MYCBP2: variants seen among roughly 807,000 people sequenced by gnomAD.
MYCBP2 encodes MYC binding protein 2, also known as E3 ubiquitin-protein ligase MYCBP2.
MYCBP2 carries 120 observed loss-of-function variants against 525.3 expected under a neutral mutation model. That is an observed-to-expected ratio of 0.23 (90% CI 0.20 to 0.27). The LOEUF (loss-of-function observed/expected upper bound fraction) is 0.27, where lower values mean the gene tolerates loss of function less well. MYCBP2 is among the 10% of genes least tolerant of loss of function. MYCBP2 has a pLI of 1.00. For missense variants in MYCBP2, 4,149 were observed against 5,657.1 expected (o/e 0.73, Z 8.55); for synonymous variants, 1,894 against 1,955.8 (o/e 0.97, Z 0.83).
intron 55 of MYCBP2, among the ~76,000 whole-genome samples, chr13:77,102,729 T>C (rs2047261003): frequency 6.6e-6 from 1 of 151,730 alleles, no homozygotes; most frequent in African/African-American, 2.4e-5. Context: ...ACATGAGTCC[T>C]AATAACTAAT....
chr13:77,133,099 A>G (rs1344342523), intron 52 of MYCBP2, among the ~76,000 whole-genome samples: 1 of 152,148 alleles, frequency 6.6e-6, no homozygotes, highest in African/African-American at 2.4e-5. Flanking sequence ...TCATCCTTTT[A>G]TAACTATATT....
At position 77,271,156 on chromosome 13, in the gene MYCBP2, T is replaced by C. The variant is rs539043365; in HGVS notation, c.946-618A>G. Among the ~76,000 whole-genome samples the C allele has an allele frequency of 5.3e-5, 8 of 152,336 alleles. No homozygotes were observed. The South Asian group carries it at 1.5e-3, about 28-fold the overall frequency. On this transcript the variant is annotated intron_variant, in intron 5 of 82. Transcript: ENST00000544440. ...TATATTCATACACATACACATTCTA[T>C]ATCAAATAATTTCAATATCTAAGGA...
At position 77,161,920 on chromosome 13, in the gene MYCBP2, C is replaced by T; in HGVS notation, c.6583G>A (p.Glu2195Lys). The T allele has an allele frequency of 1.2e-6, 2 of 1,608,930 alleles. No homozygotes were observed. Among genetic ancestry groups the T allele is most frequent in the Non-Finnish European group, 8.5e-7 (1 of 1,177,432 alleles). Residue 2195 changes from glutamate to lysine, a missense_variant, in exon 44 of 83, where the codon GAG becomes AAG. Around this residue, in one of 21 missense-constraint regions of MYCBP2, gnomAD observed 692 missense variants for 852.7 expected, o/e 0.81. Coordinates refer to ENST00000544440, the MANE Select transcript of MYCBP2 (RefSeq NM_015057.5). ...TGGGACAATACCTGCAATGCAGCCT[C>T]CTCAAGAATTTCAAGGTCTTCTTCT... ...ELEEDLEILE[E>K]AALQVCKTHS...
intron 24 of MYCBP2, 34 bp downstream of exon 24, chr13:77,206,619 T>C: frequency 2.0e-6 from 3 of 1,515,838 alleles, no homozygotes; most frequent in Non-Finnish European, 2.7e-6. Flanking sequence ...CACACATTAA[T>C]GTGAATTAAT....
chr13:77,053,908 A>T (rs1286742715), intron 80 of MYCBP2, among the ~76,000 whole-genome samples: 1 of 152,188 alleles, frequency 6.6e-6, no homozygotes, highest in Non-Finnish European at 1.5e-5. Flanking sequence ...TAGAAAAATG[A>T]AAAAACATAC....
chr13:77,118,651 C>T, intron 55 of MYCBP2: 1 of 539,346 alleles, frequency 1.9e-6, no homozygotes, highest in Non-Finnish European at 3.3e-6. Flanking sequence ...GTTAATCATC[C>T]TCAGATTAGG....
Position 77,262,144 on chromosome 13 carries a change from T to A in MYCBP2, c.1571-15A>T, listed in dbSNP as rs760730203. ...AAATCCTGTACCTGAAATACGAGAC[T>A]AATAAATACTATTGCATTTCTAATA... On this transcript the variant is annotated splice_polypyrimidine_tract_variant and intron_variant, in intron 10 of 82. Coordinates refer to ENST00000544440, the MANE Select transcript of MYCBP2 (RefSeq NM_015057.5). The A allele has an allele frequency of 3.2e-5, 51 of 1,589,908 alleles. No homozygotes were observed. Among genetic ancestry groups the A allele is most frequent in the Non-Finnish European group, 4.2e-5 (49 of 1,162,016 alleles).
chr13:77,294,823 T>C (rs1482483203), intron 2 of MYCBP2, among the ~76,000 whole-genome samples: 1 of 152,294 alleles, frequency 6.6e-6, no homozygotes, highest in East Asian at 1.9e-4. Context: ...GGCAACACTT[T>C]CCTTAGGGTA....
chr13:77,162,802 A>T (rs1283438394), intron 43 of MYCBP2, among the ~76,000 whole-genome samples: 2 of 152,056 alleles, frequency 1.3e-5, no homozygotes, highest in African/African-American at 2.4e-5. Flanking sequence ...GACTACAGGC[A>T]TGTGCCACCA....
At chr13:77,166,833 A>G (rs901081049) in intron 40 of MYCBP2, among the ~76,000 whole-genome samples, 6 of 152,194 alleles carry the variant, frequency 3.9e-5, no homozygotes, top group Admixed American at 6.5e-5. Context: ...AGCAATTCCT[A>G]AAATCTAAGA....
intron 46 of MYCBP2, among the ~76,000 whole-genome samples, chr13:77,155,619 A>C (rs1449764162): frequency 6.6e-6 from 1 of 152,154 alleles, no homozygotes; most frequent in East Asian, 1.9e-4. Context: ...TTACAATCTA[A>C]ACTCATATAT....
At chr13:77,249,494 T>C (rs993106623) in intron 15 of MYCBP2, among the ~76,000 whole-genome samples, 1 of 152,102 alleles carries the variant, frequency 6.6e-6, no homozygotes, top group African/African-American at 2.4e-5. Context: ...ACCAGATAAT[T>C]TATAGATTTT....
chr13:77,261,121 A>G, intron 12 of MYCBP2, 50 bp downstream of exon 12: 1 of 1,452,280 alleles, frequency 6.9e-7, no homozygotes, highest in African/African-American at 1.4e-5. Context: ...TATTTTTACT[A>G]AAATAAAGCA....
At chr13:77,207,140 G>A (rs1237904651) in intron 23 of MYCBP2, among the ~76,000 whole-genome samples, 2 of 152,076 alleles carry the variant, frequency 1.3e-5, no homozygotes, top group Non-Finnish European at 2.9e-5. Context: ...CATTAAAAAA[G>A]TTTAAAGACA....
At chr13:77,249,889 G>A (rs980156336) in intron 15 of MYCBP2, among the ~76,000 whole-genome samples, 2 of 152,134 alleles carry the variant, frequency 1.3e-5, no homozygotes, top group East Asian at 1.9e-4. Context: ...TGATAAAGAC[G>A]ACTTTATTGC....
Position 77,177,730 on chromosome 13 carries a change from T to G in MYCBP2, c.5340+18A>C. 2 of 1,588,666 alleles carry G rather than the reference T, an allele frequency of 1.3e-6. No homozygotes were observed. Among genetic ancestry groups the G allele is most frequent in the Non-Finnish European group, 1.7e-6 (2 of 1,156,936 alleles). On this transcript the variant is annotated intron_variant, in intron 35 of 82. Transcript: ENST00000544440. ...ACAACCCACTAATCAGGATAAATAC[T>G]AAAAGGGTGATACTTACATCATCAA...
In MYCBP2 at chr13:77,150,828, A is replaced by G. The variant is rs2056354831; in HGVS notation, c.7037T>C (p.Met2346Thr). The G allele has an allele frequency of 1.9e-6, 3 of 1,614,038 alleles. No individual in the cohort carries two copies. The highest frequency in any genetic ancestry group is 1.3e-5 in the African/African-American group (1 of 74,942). ...TGGTGATGCCAGCCCTCCATAAGTCATGTCAGTATTAGAAGATGCAGCTGT... is the reference window on the plus strand; with the variant it reads ...TGGTGATGCCAGCCCTCCATAAGTCGTGTCAGTATTAGAAGATGCAGCTGT... ...AVTAASSNTD[M>T]TYGGLASPKL... is the part of the protein sequence containing the mutation. The change falls in exon 47 of 83, where the codon ATG becomes ACG. Residue 2346 changes from methionine (M) to threonine (T), a missense_variant. Coordinates refer to ENST00000544440, the MANE Select transcript of MYCBP2 (RefSeq NM_015057.5).
chr13:77,281,205 T>C (rs948576186), intron 3 of MYCBP2, among the ~76,000 whole-genome samples: 5 of 152,178 alleles, frequency 3.3e-5, no homozygotes, highest in Admixed American at 6.5e-5. Flanking sequence ...GTCCTGCCAA[T>C]ATAGTATTAT....
intron 4 of MYCBP2, among the ~76,000 whole-genome samples, chr13:77,277,125 A>G (rs2075713001): frequency 6.6e-6 from 1 of 152,220 alleles, no homozygotes; most frequent in Non-Finnish European, 1.5e-5. Flanking sequence ...ATGGTAGAAG[A>G]CTTAGGAGGA....
Sources: gnomAD v4.1 joint callset for allele counts (sites outside exome capture counted in the v4.1 genomes callset) on GRCh38, gnomAD v4.1.1 for gene constraint, gnomAD v4.1.1 regional missense constraint, MANE v1.5 for transcripts, NCBI Gene and HGNC (gene_info 2026-07-23, HGNC 2026-07-21) for gene names.